Variants in PRP4K observed in about 807,000 individuals in gnomAD.
The protein encoded by PRP4K is pre-mRNA processing factor kinase PRP4K.
At chr6:4,037,251 C>T in the PRP4K span, 79 of 685,868 alleles carry the variant, frequency 1.2e-4, no homozygotes, top group African/African-American at 1.3e-3. Flanking sequence ...CTGTAGTCAC[C>T]TGAGTAAGTT....
At chr6:4,046,464 C>T in the PRP4K span, among the ~76,000 whole-genome samples, 2 of 151,764 alleles carry the variant, frequency 1.3e-5, no homozygotes, top group Non-Finnish European at 2.9e-5. Flanking sequence ...GCCAGGTTTT[C>T]TGTGGGATTA....
chr6:4,031,721 A>G, the PRP4K span: 2,583 of 1,603,030 alleles, frequency 1.6e-3, 43 homozygotes, highest in African/African-American at 0.031. Flanking sequence ...AGGATAAAAA[A>G]CATAAACATA....
chr6:4,049,936 T>A, the PRP4K span: 1 of 1,541,150 alleles, frequency 6.5e-7, no homozygotes, highest in African/African-American at 1.4e-5. Context: ...CAGAAGAACA[T>A]ATTTTTAAAC....
At chr6:4,041,435 C>T in the PRP4K span, among the ~76,000 whole-genome samples, 4 of 152,254 alleles carry the variant, frequency 2.6e-5, no homozygotes, top group East Asian at 1.9e-4. Flanking sequence ...TGGTGGCACA[C>T]GCCTGTAGTC....
chr6:4,024,848 C>A, the PRP4K span, among the ~76,000 whole-genome samples: 1 of 152,150 alleles, frequency 6.6e-6, no homozygotes, highest in African/African-American at 2.4e-5. Flanking sequence ...GGTGATCCGC[C>A]AGTCTCAGCC....
chr6:4,022,250 C>T, the PRP4K span, among the ~76,000 whole-genome samples: 1 of 139,600 alleles, frequency 7.2e-6, no homozygotes, highest in South Asian at 2.3e-4. Context: ...TGCCAAACCA[C>T]TTTATGTCTA....
At chr6:4,032,088 C>T in the PRP4K span, 555 of 1,613,560 alleles carry the variant, frequency 3.4e-4, 1 homozygote, top group Non-Finnish European at 4.5e-4. Context: ...ATCCAAAGAA[C>T]GGACTAGACA....
At chr6:4,033,643 A>C in the PRP4K span, among the ~76,000 whole-genome samples, 3 of 152,206 alleles carry the variant, frequency 2.0e-5, no homozygotes, top group African/African-American at 7.2e-5. Flanking sequence ...CTTATACTAT[A>C]TAAGGATGTT....
At chr6:4,056,467 A>G in the PRP4K span, 10 of 1,611,962 alleles carry the variant, frequency 6.2e-6, no homozygotes, top group Non-Finnish European at 8.5e-6. Flanking sequence ...GACCTGGGCC[A>G]TCATATGTGG....
chr6:4,044,039 C>T, the PRP4K span: 967 of 1,604,318 alleles, frequency 6.0e-4, 8 homozygotes, highest in African/African-American at 0.012. Context: ...AGAGTTTTGT[C>T]CTGGCGACGC....
At chr6:4,055,183 T>C in the PRP4K span, among the ~76,000 whole-genome samples, 4 of 152,254 alleles carry the variant, frequency 2.6e-5, no homozygotes, top group Admixed American at 1.3e-4. Context: ...TACCCTGCTA[T>C]TCTTTAAGGC....
chr6:4,048,240 G>A, the PRP4K span, among the ~76,000 whole-genome samples: 12 of 152,144 alleles, frequency 7.9e-5, no homozygotes, highest in African/African-American at 1.7e-4. Context: ...TAAGCCGGAC[G>A]TGGTGGCGGG....
At chr6:4,029,748 A>G in the PRP4K span, among the ~76,000 whole-genome samples, 1 of 152,010 alleles carries the variant, frequency 6.6e-6, no homozygotes, top group Non-Finnish European at 1.5e-5. Context: ...TCTGTGATCT[A>G]CAAAACAGTG....
the PRP4K span, among the ~76,000 whole-genome samples, chr6:4,028,355 A>C: frequency 6.6e-6 from 1 of 151,972 alleles, no homozygotes; most frequent in East Asian, 1.9e-4. Flanking sequence ...CTACAAGCAC[A>C]TGCTGCCATA....
the PRP4K span, chr6:4,056,283 TG>T: frequency 7.0e-7 from 1 of 1,434,582 alleles, no homozygotes; most frequent in Non-Finnish European, 9.8e-7. Context: ...TAATTATTCC[TG>T]GCTTGAATTA....
chr6:4,048,839 C>A, the PRP4K span, among the ~76,000 whole-genome samples: 1 of 149,068 alleles, frequency 6.7e-6, no homozygotes. Flanking sequence ...AATCAAGATA[C>A]TTTGGTCTCA....
chr6:4,056,553 A>AGG, the PRP4K span: 1 of 1,600,444 alleles, frequency 6.2e-7, no homozygotes, highest in Non-Finnish European at 8.5e-7. Flanking sequence ...TTCATGAGGA[A>AGG]GGGAACCATA....
chr6:4,052,747 A>G, the PRP4K span: 1 of 1,598,176 alleles, frequency 6.3e-7, no homozygotes, highest in Non-Finnish European at 8.5e-7. Context: ...TGTTAAAAAA[A>G]TATGGTAAAG....
chr6:4,058,756 A>G, the PRP4K span: 1 of 1,613,438 alleles, frequency 6.2e-7, no homozygotes, highest in Non-Finnish European at 8.5e-7. Flanking sequence ...TTCAAAGATC[A>G]GCATTTTGAT....
Sources: allele counts gnomAD v4.1 joint callset (sites outside exome capture counted in the v4.1 genomes callset), GRCh38; gene constraint gnomAD v4.1.1; transcripts MANE v1.5; gene names NCBI Gene and HGNC (gene_info 2026-07-23, HGNC 2026-07-21).